The following KATNIP variants were observed in gnomAD, a reference collection of about 807,000 sequenced individuals.
KATNIP encodes katanin interacting protein.
KATNIP carries 126 observed loss-of-function variants against 174.0 expected under a neutral mutation model. That is an observed-to-expected ratio of 0.72 (90% CI 0.63 to 0.84). The LOEUF (loss-of-function observed/expected upper bound fraction) is 0.84. KATNIP is among the 40% of genes least tolerant of loss of function. The pLI is 0.00. For missense variants in KATNIP, 1,958 were observed against 2,109.7 expected, an observed-to-expected ratio of 0.93 and a Z score of 1.41; for synonymous variants, 810 against 835.7, an observed-to-expected ratio of 0.97 and a Z score of 0.53.
At chr16:27,733,046 A>C (rs1277565905) in intron 14 of KATNIP, among the ~76,000 whole-genome samples, 1 of 152,194 alleles carries the variant, frequency 6.6e-6, no homozygotes, top group African/African-American at 2.4e-5. Flanking sequence ...CCACCTTGGC[A>C]TGTGGTTTTT....
chr16:27,628,288 T>C (rs868660086), intron 3 of KATNIP, among the ~76,000 whole-genome samples: 3 of 152,234 alleles, frequency 2.0e-5, no homozygotes, highest in Admixed American at 6.5e-5. Context: ...CAAAGTGAAA[T>C]TGCATAAAAT....
Position 27,766,380 on chromosome 16 carries a change from A to T in KATNIP, c.3881A>T (p.Asp1294Val), listed in dbSNP as rs1439741472. 6.2e-7 allele frequency: 1 copy of T among 1,614,028 alleles called. No individual in the cohort carries two copies. The highest frequency in any genetic ancestry group is 8.5e-7 in the Non-Finnish European group (1 of 1,180,030). ...CTGATCCCCTTCTCGCCGGGGCTGG[A>T]CCATGTGGTCACGATCCGCCTGGAC... The part of the protein sequence containing the change: ...MWLIPFSPGL[D>V]HVVTIRLDRA... The change falls in exon 20 of 28, where the codon GAC becomes GTC. Residue 1294 changes from aspartate (D) to valine (V), a missense_variant. By Grantham distance (152) the Asp-to-Val change is radical. Transcript: ENST00000261588.
Position 27,777,874 on chromosome 16 carries a change from C to T in KATNIP, c.4713-7C>T. ...GATCGAATCTTGTGTTTCCTTCCTA[C>T]CCTCAGTAATCAGGCCGAGGATCAA... On this transcript the variant is annotated splice_polypyrimidine_tract_variant and splice_region_variant and intron_variant, in intron 26 of 27. Transcript: ENST00000261588. The surrounding 1 kb of genome is among the most constrained non-coding windows in gnomAD (Gnocchi z 4.4). 6.2e-7 allele frequency: 1 copy of T among 1,613,746 alleles called. No individual in the cohort carries two copies. Among genetic ancestry groups the T allele is most frequent in the Non-Finnish European group, 8.5e-7 (1 of 1,179,586 alleles).
chr16:27,714,119 C>T, intron 13 of KATNIP, among the ~76,000 whole-genome samples: 1 of 151,782 alleles, frequency 6.6e-6, no homozygotes, highest in East Asian at 1.9e-4. Flanking sequence ...TGCTTCTCCA[C>T]ATTCAGATTT....
chr16:27,591,722 G>A (rs1017793875), intron 2 of KATNIP, among the ~76,000 whole-genome samples: 1 of 152,144 alleles, frequency 6.6e-6, no homozygotes, highest in African/African-American at 2.4e-5. Flanking sequence ...ATCTGTCTTA[G>A]TCTGAGCAAA....
chr16:27,557,780 A>G (rs1484015457), intron 1 of KATNIP, among the ~76,000 whole-genome samples: 6 of 152,214 alleles, frequency 3.9e-5, no homozygotes, highest in South Asian at 4.1e-4. Flanking sequence ...AACAGCCCAC[A>G]TGCATGTTTA....
chr16:27,736,603 C>T (rs973065676), intron 14 of KATNIP, among the ~76,000 whole-genome samples: 1 of 152,114 alleles, frequency 6.6e-6, no homozygotes, highest in Admixed American at 6.5e-5. Flanking sequence ...GAGGAACAGG[C>T]TGAGCCACAT....
chr16:27,721,611 GT>G lies in KATNIP; in HGVS notation c.1665del (p.Phe555LeufsTer36). The G allele has an allele frequency of 6.2e-7, 1 of 1,614,156 alleles. No individual in the cohort carries two copies. The highest frequency in any genetic ancestry group is 8.5e-7 in the Non-Finnish European group (1 of 1,180,016). On this transcript the variant is annotated frameshift_variant, in exon 14 of 28. Coordinates refer to ENST00000261588, the MANE Select transcript of KATNIP (RefSeq NM_015202.5). LOFTEE classifies it high-confidence loss of function. ...TCPFHPPLQL[F>X]FVIRNTRQLG... ...GCCCCTTCCACCCACCACTCCAGCTGTTTTTTGTTATTCGAAACACAAGACA... is the reference window on the plus strand; with the variant it reads ...GCCCCTTCCACCCACCACTCCAGCTGTTTTTGTTATTCGAAACACAAGACA...
intron 6 of KATNIP, among the ~76,000 whole-genome samples, chr16:27,654,122 C>A (rs186104921): frequency 2.9e-4 from 44 of 152,122 alleles, no homozygotes; most frequent in Non-Finnish European, 2.5e-4. Flanking sequence ...ACTACAGGCA[C>A]GTGCCAACAC....
intron 8 of KATNIP, among the ~76,000 whole-genome samples, chr16:27,696,918 AG>A (rs1228836578): frequency 3.3e-5 from 5 of 151,942 alleles, no homozygotes; most frequent in Admixed American, 6.6e-5. Flanking sequence ...TATTAGAGAC[AG>A]GGTTTCACCA....
At chr16:27,756,477 G>A (rs2081733036) in intron 18 of KATNIP, among the ~76,000 whole-genome samples, 2 of 152,190 alleles carry the variant, frequency 1.3e-5, no homozygotes, top group African/African-American at 4.8e-5. Flanking sequence ...ACCTACCTAA[G>A]GTCACACGGC....
chr16:27,708,643 G>T, intron 12 of KATNIP, 62 bp from the exon 13 acceptor site: 1 of 1,371,094 alleles, frequency 7.3e-7, no homozygotes, highest in Non-Finnish European at 1.0e-6. Context: ...GGTGGCAGAG[G>T]CAGAGCCGAA....
At chr16:27,733,204 T>A (rs1009026858) in intron 14 of KATNIP, among the ~76,000 whole-genome samples, 1 of 152,204 alleles carries the variant, frequency 6.6e-6, no homozygotes, top group African/African-American at 2.4e-5. Context: ...CGTGCCGCCA[T>A]GAATCTTTGT....
chr16:27,723,918 C>T (rs1034685845), intron 14 of KATNIP, among the ~76,000 whole-genome samples: 7 of 152,298 alleles, frequency 4.6e-5, no homozygotes, highest in Non-Finnish European at 8.8e-5. Context: ...CTGTCAGTTG[C>T]GAGGCACCTC....
rs369925365 is a variant in KATNIP at position 27,557,142 on chromosome 16, A to ATTT, written c.7+6980_7+6982dup. Among the ~76,000 whole-genome samples the ATTT allele has an allele frequency of 1.2e-3, 164 of 137,944 alleles. 2 individuals carry two copies. Among genetic ancestry groups the ATTT allele is most frequent in the African/African-American group, 4.2e-3 (159 of 37,680 alleles). The allele number at this position is 137,944 out of a possible 152,430, so 90.5% of individuals were successfully genotyped here. ...TTCTTGACATTTTTCTGTGAAGTTG[A>ATTT]TTTTTTTTTTTTTTTTTGAGGTGGA... On this transcript the variant is annotated intron_variant, in intron 1 of 27. Coordinates refer to ENST00000261588, the MANE Select transcript of KATNIP (RefSeq NM_015202.5).
At chr16:27,620,855 C>G (rs2076174177) in intron 3 of KATNIP, among the ~76,000 whole-genome samples, 1 of 152,218 alleles carries the variant, frequency 6.6e-6, no homozygotes, top group Non-Finnish European at 1.5e-5. Context: ...CACTGAGTAC[C>G]TTCTAAGTGC....
At chr16:27,682,081 T>C (rs529127712) in intron 8 of KATNIP, among the ~76,000 whole-genome samples, 158 of 152,356 alleles carry the variant, frequency 1.0e-3, no homozygotes, top group Middle Eastern at 0.01. Flanking sequence ...GTGGTTATCA[T>C]TGAAAATTTC....
In KATNIP at chr16:27,776,391, TC is replaced by T. The variant is rs2082499230; in HGVS notation, c.4450-534del. On this transcript the variant is annotated intron_variant, in intron 24 of 27. Coordinates refer to ENST00000261588, the MANE Select transcript of KATNIP (RefSeq NM_015202.5). The surrounding 1 kb of genome is among the most constrained non-coding windows in gnomAD (Gnocchi z 4.7). ...GTTTGAGGCTGCTCCGTCCCACTTT[TC>T]CCACTGGATTCTGCCCCGATCTAGA... Among the ~76,000 whole-genome samples, 1 of 152,114 alleles carries T rather than the reference TC, an allele frequency of 6.6e-6. No homozygotes were observed.
intron 13 of KATNIP, among the ~76,000 whole-genome samples, chr16:27,716,383 A>C (rs1379964025): frequency 2.0e-5 from 3 of 152,156 alleles, no homozygotes; most frequent in Admixed American, 6.5e-5. Context: ...AGATAATGGT[A>C]ATGGTTGAAA....
Sources: allele counts gnomAD v4.1 joint callset (sites outside exome capture counted in the v4.1 genomes callset), GRCh38; gene constraint gnomAD v4.1.1; non-coding constraint Gnocchi (gnomAD v3.1); transcripts MANE v1.5; gene names NCBI Gene and HGNC (gene_info 2026-07-23, HGNC 2026-07-21).